The following TRPC7 variants were observed in gnomAD, a reference collection of about 807,000 sequenced individuals.
TRPC7 encodes short transient receptor potential channel 7.
Under a neutral mutation model 90.1 loss-of-function variants are expected in TRPC7, and 42 were observed. The observed-to-expected ratio is 0.47, with a 90% CI of 0.36 to 0.60. TRPC7 has a LOEUF of 0.60. TRPC7 is among the 20% of genes least tolerant of loss of function. The pLI is 0.00. For synonymous variants in TRPC7, 451 were observed against 436.3 expected, an observed-to-expected ratio of 1.03 and a Z score of -0.42; for missense variants, 955 against 1,112.3, an observed-to-expected ratio of 0.86 and a Z score of 2.01.
chr5:136,316,636 T>G (rs1181877549), intron 2 of TRPC7, among the ~76,000 whole-genome samples: 1 of 152,160 alleles, frequency 6.6e-6, no homozygotes, highest in East Asian at 1.9e-4. Context: ...CTAACTTCCT[T>G]TCCTAGTGAC....
At position 136,241,562 on chromosome 5, in the gene TRPC7, C is replaced by CT. The variant is rs375780408; in HGVS notation, c.1844+5908dup. 8.6e-3 allele frequency among the ~76,000 whole-genome samples: 1,265 copies of CT among 146,926 alleles called. 18 individuals are homozygous for CT. Among genetic ancestry groups the CT allele is most frequent in the African/African-American group, 0.025 (1,020 of 40,108 alleles). On this transcript the variant is annotated intron_variant, in intron 7 of 11. Transcript: ENST00000513104. ...AGAAAGGCACTCTTTTCCTTCCTTC[C>CT]TTTTTTTTTTTTTGATGTAGTCTCA... is the stretch of plus-strand genomic sequence containing the variant.
chr5:136,344,279 A>G (rs748118066), intron 2 of TRPC7, among the ~76,000 whole-genome samples: 13 of 152,194 alleles, frequency 8.5e-5, no homozygotes, highest in Non-Finnish European at 1.8e-4. Flanking sequence ...TCAAGGATGA[A>G]GGCTGGAAGA....
chr5:136,324,016 C>G (rs945593406), intron 2 of TRPC7, among the ~76,000 whole-genome samples: 1 of 152,038 alleles, frequency 6.6e-6, no homozygotes, highest in Non-Finnish European at 1.5e-5. Flanking sequence ...TTCCAACATA[C>G]AGTTTTCACA....
chr5:136,217,559 A>T (rs1317390228), intron 10 of TRPC7, among the ~76,000 whole-genome samples: 3 of 152,100 alleles, frequency 2.0e-5, no homozygotes, highest in Non-Finnish European at 4.4e-5. Flanking sequence ...GTGTGGTTTG[A>T]GTTGTGATCT....
intron 8 of TRPC7, among the ~76,000 whole-genome samples, chr5:136,229,965 A>C (rs2149796634): frequency 6.6e-6 from 1 of 152,118 alleles, no homozygotes; most frequent in African/African-American, 2.4e-5. Context: ...AGATTCCCCT[A>C]TTTGTATTTT....
chr5:136,232,450 C>T (rs1755848989), intron 7 of TRPC7, among the ~76,000 whole-genome samples: 1 of 152,204 alleles, frequency 6.6e-6, no homozygotes, highest in Admixed American at 6.5e-5. Context: ...ATTAAGCTTT[C>T]TAAACTGGGG....
chr5:136,304,286 C>T (rs951798763), intron 3 of TRPC7, among the ~76,000 whole-genome samples: 16 of 152,048 alleles, frequency 1.1e-4, no homozygotes, highest in African/African-American at 2.7e-4. Context: ...ACCCTTACCC[C>T]GCTCAATGCC....
intron 1 of TRPC7, among the ~76,000 whole-genome samples, chr5:136,363,600 T>A (rs1399062641): frequency 6.6e-6 from 1 of 152,172 alleles, no homozygotes. Context: ...TGTTTTATAT[T>A]AAGATATACT....
At position 136,246,796 on chromosome 5, in the gene TRPC7, T is replaced by C. The variant is rs140020248; in HGVS notation, c.1844+675A>G. Among the ~76,000 whole-genome samples, 20 of 152,298 alleles carry C rather than the reference T, an allele frequency of 1.3e-4. No homozygotes were observed. In the East Asian group the frequency reaches 3.9e-3, roughly 29 times the overall value. On this transcript the variant is annotated intron_variant, in intron 7 of 11. Transcript: ENST00000513104. ...ATAATAACAGTAAGAATAATTTTTT[T>C]TACCACATATTGAGTTTACTACGTG... is the stretch of plus-strand genomic sequence containing the variant.
rs76187075 is a variant in TRPC7 at position 136,247,330 on chromosome 5, A to C, written c.1844+141T>G. The C allele has an allele frequency of 2.9e-4, 262 of 914,934 alleles. 1 individual carries two copies. The African/African-American group carries it at 4.1e-3, about 14-fold the overall frequency. The allele number at this position is 914,934 out of a possible 1,614,324, so 56.7% of individuals were successfully genotyped here. On this transcript the variant is annotated intron_variant, in intron 7 of 11. Coordinates refer to ENST00000513104, the MANE Select transcript of TRPC7 (RefSeq NM_020389.3). The surrounding 1 kb of genome is among the most constrained non-coding windows in gnomAD (Gnocchi z 4.2). ...TTCAACTCCAGAACCTGAACTCTAA[A>C]CCACCCTTGAATAAAGTTGCCTTTA...
At chr5:136,236,910 C>G (rs914775357) in intron 7 of TRPC7, among the ~76,000 whole-genome samples, 7 of 152,152 alleles carry the variant, frequency 4.6e-5, no homozygotes, top group African/African-American at 1.4e-4. Flanking sequence ...TAAAATTAAG[C>G]AGGAGGATCA....
chr5:136,274,637 T>C, intron 4 of TRPC7, 36 bp downstream of exon 4: 1 of 1,543,400 alleles, frequency 6.5e-7, no homozygotes, highest in Non-Finnish European at 8.7e-7. Context: ...AGAGAAGAAA[T>C]AACCGCAAAC....
intron 1 of TRPC7, among the ~76,000 whole-genome samples, chr5:136,359,861 A>G (rs1760513959): frequency 6.6e-6 from 1 of 152,160 alleles, no homozygotes; most frequent in Admixed American, 6.5e-5. Context: ...AGCCTGTCCT[A>G]CAATAGGCTT....
rs1028438403 is a variant in TRPC7, at chr5:136,365,502, GA to G, written c.-249del. On this transcript the variant is annotated 5_prime_UTR_variant, in exon 1 of 12. The change creates a premature stop within an existing upstream ORF in the 5' untranslated region. Transcript: ENST00000513104. ...TTACCGTCCTTTTCCTAATCGGGGGGAAATTTCCCAGAGAACATGACGGAGA... is the reference window on the plus strand; with the variant it reads ...TTACCGTCCTTTTCCTAATCGGGGGGAATTTCCCAGAGAACATGACGGAGA... 3 of 568,010 alleles carry G rather than the reference GA, an allele frequency of 5.3e-6. No individual in the cohort carries two copies. The African/African-American group carries it at 5.6e-5, about 11-fold the overall frequency. The allele number at this position is 568,010 out of a possible 1,614,324, so 35.2% of individuals were successfully genotyped here.
At position 136,231,473 on chromosome 5, in the gene TRPC7, C is replaced by T. The variant is rs756214253; in HGVS notation, c.1921G>A (p.Asp641Asn). 37 of 1,612,398 alleles carry T rather than the reference C, an allele frequency of 2.3e-5. No individual in the cohort carries two copies. The highest frequency in any genetic ancestry group is 4.5e-5 in the East Asian group (2 of 44,870). Residue 641 changes from aspartate to asparagine, a missense_variant, in exon 8 of 12, where the codon GAC (aspartate) becomes AAC (asparagine). By Grantham distance (23) the Asp-to-Asn change is conservative. Transcript: ENST00000513104. ...CCAATGTTCTCGATGAATTTGTGGT[C>T]GTATTTCAGCACCACTGAGATTACT... ...SEVISVVLKYDHKFIENIGYV... is the reference protein window; with the variant it reads ...SEVISVVLKYNHKFIENIGYV...
chr5:136,317,844 G>T (rs1759070064), intron 2 of TRPC7, among the ~76,000 whole-genome samples: 1 of 152,174 alleles, frequency 6.6e-6, no homozygotes, highest in Admixed American at 6.5e-5. Flanking sequence ...CATGCTAGGA[G>T]CTAGTCAGGC....
chr5:136,231,298 A>G lies in TRPC7; in HGVS notation c.2040+56T>C. The G allele has an allele frequency of 6.2e-6, 9 of 1,459,474 alleles. No individual in the cohort carries two copies. In the Middle Eastern group the frequency reaches 5.4e-4, roughly 87 times the overall value. The allele number at this position is 1,459,474 out of a possible 1,614,324, so 90.4% of individuals were successfully genotyped here. ...TAACATCATTCCCCTCATTGCTGAAAAAAGCAATGTAAATTAGATGAAGGA... is the reference window on the plus strand; with the variant it reads ...TAACATCATTCCCCTCATTGCTGAAGAAAGCAATGTAAATTAGATGAAGGA... On this transcript the variant is annotated intron_variant, in intron 8 of 11. Transcript: ENST00000513104.
chr5:136,260,743 A>G (rs1756830969), intron 5 of TRPC7, among the ~76,000 whole-genome samples: 1 of 152,202 alleles, frequency 6.6e-6, no homozygotes, highest in Admixed American at 6.5e-5. Flanking sequence ...TAGCTCCTGC[A>G]TTGAGAACAG....
At chr5:136,240,926 T>C (rs1237154751) in intron 7 of TRPC7, among the ~76,000 whole-genome samples, 1 of 152,170 alleles carries the variant, frequency 6.6e-6, no homozygotes, top group Non-Finnish European at 1.5e-5. Context: ...AAAAGGATCA[T>C]CTGAAGCCTC....
Sources: gnomAD v4.1 joint callset for allele counts (sites outside exome capture counted in the v4.1 genomes callset) on GRCh38, gnomAD v4.1.1 for gene constraint, Gnocchi (gnomAD v3.1) non-coding constraint, MANE v1.5 for transcripts, NCBI Gene and HGNC (gene_info 2026-07-23, HGNC 2026-07-21) for gene names.